The following PRPF18 variants were observed in gnomAD, a reference collection of about 807,000 sequenced individuals.
PRPF18 encodes the protein pre-mRNA-splicing factor 18.
Under a neutral mutation model 46.5 loss-of-function variants are expected in PRPF18, and 38 were observed. The observed-to-expected ratio is 0.82, with a 90% confidence interval of 0.63 to 1.07. The LOEUF (loss-of-function observed/expected upper bound fraction) is 1.07. PRPF18 is among the 50% of genes least tolerant of loss of function. The probability of loss-of-function intolerance (pLI) is 0.00; values close to 1 mark genes in which losing one functional copy is unlikely to be tolerated. For synonymous variants in PRPF18, 152 were observed against 146.7 expected, an observed-to-expected ratio of 1.04 and a Z score of -0.26; for missense variants, 263 against 410.0, an observed-to-expected ratio of 0.64 and a Z score of 3.10.
chr10:13,645,223 G>C, the PRPF18 span: 1 of 152,160 alleles, frequency 6.6e-6, no homozygotes, highest in African/African-American at 2.4e-5. Flanking sequence ...CATGAAAAGC[G>C]AAGATTTTTC....
rs190714471 is a variant in PRPF18 at position 13,625,282 on chromosome 10, C to T, written c.949-4978C>T. On this transcript the variant is annotated intron_variant, in intron 9 of 9. Coordinates refer to ENST00000378572, the MANE Select transcript of PRPF18 (RefSeq NM_003675.4). ...GCAGTGAGCTAGGATCGTGCCACTG[C>T]ACTCCAGCCTGGGTGACAGACGGGT... Among the ~76,000 whole-genome samples, 425 of 152,314 alleles carry T rather than the reference C, an allele frequency of 2.8e-3. 2 individuals are homozygous for T. The highest frequency in any genetic ancestry group is 4.2e-3 in the Non-Finnish European group (284 of 68,034).
chr10:13,597,957 C>T (rs183108601), intron 2 of PRPF18, among the ~76,000 whole-genome samples: 10 of 152,220 alleles, frequency 6.6e-5, no homozygotes, highest in African/African-American at 2.4e-4. Context: ...GGTAATTTTC[C>T]TGCCTTCTCC....
chr10:13,613,931 A>G (rs1471860116), intron 7 of PRPF18, 50 bp downstream of exon 7: 20 of 1,578,298 alleles, frequency 1.3e-5, no homozygotes, highest in Non-Finnish European at 1.7e-5. Context: ...AAAATACAGT[A>G]TAAATTTAGA....
chr10:13,606,017 A>G (rs2080179066), intron 4 of PRPF18, among the ~76,000 whole-genome samples: 1 of 152,214 alleles, frequency 6.6e-6, no homozygotes, highest in African/African-American at 2.4e-5. Flanking sequence ...AGCATCAGGA[A>G]GAATAGCGAA....
chr10:13,600,662 A>G (rs2080092312), intron 3 of PRPF18, among the ~76,000 whole-genome samples: 1 of 152,206 alleles, frequency 6.6e-6, no homozygotes, highest in African/African-American at 2.4e-5. Context: ...ATTTTGTAAC[A>G]TACTTCCCTT....
At chr10:13,611,779 AG>A (rs1324639605) in intron 6 of PRPF18, 96 bp downstream of exon 6, 4 of 1,027,660 alleles carry the variant, frequency 3.9e-6, no homozygotes, top group South Asian at 2.8e-5. Flanking sequence ...GGAACGGGAA[AG>A]CCTCAATACA....
At chr10:13,597,784 G>T in intron 2 of PRPF18, 1 of 765,982 alleles carries the variant, frequency 1.3e-6, no homozygotes, top group Non-Finnish European at 2.0e-6. Context: ...AGTGGCTTGA[G>T]ATCAAAGCTT....
chr10:13,649,693 C>T, the PRPF18 span: 2 of 152,154 alleles, frequency 1.3e-5, no homozygotes, highest in Non-Finnish European at 2.9e-5. Context: ...GTCTTTTATT[C>T]TCAAGTCTGG....
At chr10:13,653,984 C>G in the PRPF18 span, 1 of 253,788 alleles carries the variant, frequency 3.9e-6, no homozygotes, top group Non-Finnish European at 7.2e-6. Context: ...TTCTTGCACC[C>G]TGAGACATCC....
In PRPF18 at chr10:13,617,454, A is replaced by G. The variant is rs1235418835; in HGVS notation, c.948+901A>G. 2.0e-5 allele frequency among the ~76,000 whole-genome samples: 3 copies of G among 152,182 alleles called. No individual in the cohort carries two copies. The South Asian group carries it at 6.2e-4, about 32-fold the overall frequency. ...AATCGGACTCCCTCATGTGAACTGT[A>G]TACAGAGTTCAAATATACTTCTGGA... On this transcript the variant is annotated intron_variant, in intron 9 of 9. Transcript: ENST00000378572.
chr10:13,598,550 A>G (rs1399613633), intron 2 of PRPF18, among the ~76,000 whole-genome samples: 1 of 152,240 alleles, frequency 6.6e-6, no homozygotes, highest in African/African-American at 2.4e-5. Flanking sequence ...TGTAGTTTTC[A>G]AAAGATACCA....
chr10:13,654,012 C>T, the PRPF18 span: 1 of 328,174 alleles, frequency 3.0e-6, no homozygotes, highest in East Asian at 5.5e-5. Flanking sequence ...CTGGCTGTTT[C>T]ACCTGCCCCA....
At chr10:13,651,943 C>CATCCAGAATGGGTGAGTTTTCT in the PRPF18 span, 1 of 1,600,962 alleles carries the variant, frequency 6.2e-7, no homozygotes, top group Non-Finnish European at 8.6e-7. Context: ...GACTCAGACC[C>CATCCAGAATGGGTGAGTTTTCT]ATCCAGAATG....
At position 13,630,480 on chromosome 10, in the gene PRPF18, G is replaced by C. The variant is rs983923474; in HGVS notation, c.*140G>C. On this transcript the variant is annotated 3_prime_UTR_variant, in exon 10 of 10. Coordinates refer to ENST00000378572, the MANE Select transcript of PRPF18 (RefSeq NM_003675.4). ...TTCTACCTGATGTAACTCTTGATTG[G>C]TTTTAAGAACTTTGTTGGCCTTCAT... 2.8e-5 allele frequency: 16 copies of C among 574,778 alleles called. No individual in the cohort carries two copies. The highest frequency in any genetic ancestry group is 4.7e-5 in the Non-Finnish European group (16 of 342,188). The allele number at this position is 574,778 out of a possible 1,614,324, so 35.6% of individuals were successfully genotyped here. A position where few individuals can be genotyped will look rare whatever the true frequency, so the allele number is the denominator to read the frequency against.
At chr10:13,651,871 G>A in the PRPF18 span, 56 of 1,063,954 alleles carry the variant, frequency 5.3e-5, no homozygotes, top group African/African-American at 7.5e-4. Context: ...ACAGACTCAT[G>A]GGCAGTAGGA....
chr10:13,603,210 C>T (rs2399985), intron 3 of PRPF18, among the ~76,000 whole-genome samples: 46,987 of 151,714 alleles, frequency 0.31, 8,073 homozygotes, highest in Non-Finnish European at 0.4. Context: ...GCTCAGCGAG[C>T]GTCTATTGAA....
intron 2 of PRPF18, 86 bp downstream of exon 2, chr10:13,597,621 G>C: frequency 6.2e-7 from 1 of 1,604,228 alleles, no homozygotes; most frequent in Non-Finnish European, 8.5e-7. Context: ...ATTGATCTCT[G>C]TTCAATTTAT....
chr10:13,629,502 T>C (rs1247474785), intron 9 of PRPF18, among the ~76,000 whole-genome samples: 1 of 152,252 alleles, frequency 6.6e-6, no homozygotes, highest in Non-Finnish European at 1.5e-5. Context: ...AACAATATTG[T>C]CCTTCCATAC....
the PRPF18 span, chr10:13,648,117 G>A: frequency 6.6e-6 from 1 of 152,184 alleles, no homozygotes; most frequent in Non-Finnish European, 1.5e-5. Context: ...TTTCTCATCT[G>A]GCCTTAAAAT....
Sources: gnomAD v4.1 joint callset for allele counts (sites outside exome capture counted in the v4.1 genomes callset) on GRCh38, gnomAD v4.1.1 for gene constraint, MANE v1.5 for transcripts, NCBI Gene and HGNC (gene_info 2026-07-23, HGNC 2026-07-21) for gene names.